Variants in SATB1 observed in about 807,000 individuals in gnomAD.
SATB1 encodes DNA-binding protein SATB1.
In SATB1, 11 loss-of-function variants were observed where a neutral mutation model predicts 86.9. The observed-to-expected ratio is 0.13, with a 90% CI of 0.08 to 0.21. The LOEUF (loss-of-function observed/expected upper bound fraction) is 0.21, where lower values mean the gene tolerates loss of function less well. SATB1 is among the 10% of genes least tolerant of loss of function. The probability of loss-of-function intolerance (pLI) is 1.00; values close to 1 mark genes in which losing one functional copy is unlikely to be tolerated. For synonymous variants in SATB1, 357 were observed against 357.2 expected (o/e 1.00, Z 0.01); for missense variants, 551 against 937.6 (o/e 0.59, Z 5.39).
intron 7 of SATB1, among the ~76,000 whole-genome samples, chr3:18,387,025 A>G (rs548557480): frequency 5.6e-4 from 85 of 152,352 alleles, no homozygotes; most frequent in African/African-American, 2.0e-3. Context: ...AGCCATTTCT[A>G]GAGAAGTAGA....
In SATB1 at chr3:18,443,850, G is replaced by T. The variant is rs574087726; in HGVS notation, c.-25+1668C>A. Among the ~76,000 whole-genome samples the T allele has an allele frequency of 1.3e-5, 2 of 152,298 alleles. No individual in the cohort carries two copies. Among genetic ancestry groups the T allele is most frequent in the East Asian group, 3.9e-4 (2 of 5,174 alleles). ...TGCTAAGAGGACGGCCCTTTCTTCT[G>T]CCTCTTGCCCAACTCCAAACCCACA... On this transcript the variant is annotated intron_variant, in intron 1 of 3. Coordinates refer to the SATB1 transcript ENST00000415069. The surrounding 1 kb of genome is among the most constrained non-coding windows in gnomAD (Gnocchi z 4.4).
chr3:18,423,294 T>C (rs1698484271), intron 1 of SATB1, among the ~76,000 whole-genome samples: 1 of 152,214 alleles, frequency 6.6e-6, no homozygotes, highest in Non-Finnish European at 1.5e-5. Context: ...TAAGACCATA[T>C]ATGATAATTA....
chr3:18,403,759 G>C (rs1376578808), intron 5 of SATB1, among the ~76,000 whole-genome samples: 1 of 151,982 alleles, frequency 6.6e-6, no homozygotes, highest in African/African-American at 2.4e-5. Flanking sequence ...TTTATGTATT[G>C]TATTAATGGC....
At chr3:18,362,818 C>A (rs1575091062) in intron 9 of SATB1, among the ~76,000 whole-genome samples, 1 of 51,888 alleles carries the variant, frequency 1.9e-5, no homozygotes, top group Admixed American at 3.3e-4. Flanking sequence ...AAATAATGGT[C>A]ATTAAGAAAA....
At chr3:18,433,907 A>C (rs1440758832) in intron 2 of SATB1, among the ~76,000 whole-genome samples, 3 of 152,146 alleles carry the variant, frequency 2.0e-5, no homozygotes, top group African/African-American at 7.2e-5. Context: ...GAACTTTAAA[A>C]AAGAACTAGA....
intron 5 of SATB1, among the ~76,000 whole-genome samples, chr3:18,405,513 C>T (rs1191019371): frequency 6.6e-6 from 1 of 152,008 alleles, no homozygotes; most frequent in Non-Finnish European, 1.5e-5. Flanking sequence ...GAATTAGGTT[C>T]TGTAACTCTT....
intron 8 of SATB1, among the ~76,000 whole-genome samples, chr3:18,385,547 C>T (rs1249124869): frequency 1.3e-5 from 2 of 151,126 alleles, no homozygotes; most frequent in African/African-American, 2.4e-5. Flanking sequence ...GGCGTGAACC[C>T]GGGAGGCAGA....
intron 9 of SATB1, among the ~76,000 whole-genome samples, chr3:18,358,079 AT>A (rs1374721138): frequency 1.3e-5 from 2 of 151,946 alleles, no homozygotes; most frequent in African/African-American, 4.8e-5. Flanking sequence ...CATCTAGACC[AT>A]TTTTTGGTGG....
chr3:18,426,925 G>C (rs939347263), upstream of SATB1, among the ~76,000 whole-genome samples: 1 of 152,160 alleles, frequency 6.6e-6, no homozygotes, highest in Non-Finnish European at 1.5e-5. The surrounding 1 kb of genome is among the most constrained non-coding windows in gnomAD (Gnocchi z 4.2). Flanking sequence ...AGTAAGTTTA[G>C]GAGAAACAAA....
intron 9 of SATB1, among the ~76,000 whole-genome samples, chr3:18,360,417 C>A (rs1466097010): frequency 6.6e-6 from 1 of 152,112 alleles, no homozygotes; most frequent in Admixed American, 6.6e-5. Flanking sequence ...CCCAATGACA[C>A]TGATGTCCAA....
In SATB1 at chr3:18,444,783, A is replaced by C; in HGVS notation, c.-25+735T>G. The C allele has an allele frequency of 5.8e-6, 2 of 344,344 alleles. No homozygotes were observed. The highest frequency in any genetic ancestry group is 8.2e-6 in the Non-Finnish European group (2 of 244,972). The allele number at this position is 344,344 out of a possible 1,614,324, so 21.3% of individuals were successfully genotyped here. A position where few individuals can be genotyped will look rare whatever the true frequency, so the allele number is the denominator to read the frequency against. ...CGGAAGTTAATTGCAACTTGACTTC[A>C]AGTTGTCCTCTTTCCCCATACGAAG... On this transcript the variant is annotated intron_variant, in intron 1 of 3. Transcript: ENST00000415069. This position sits in a 1 kb window ranked among gnomAD's most constrained non-coding sequence, Gnocchi z 5.1.
intron 9 of SATB1, 46 bp downstream of exon 9, chr3:18,378,124 C>A: frequency 6.8e-7 from 1 of 1,475,406 alleles, no homozygotes. Context: ...GAAAATTCTA[C>A]AGGCAACACA....
At chr3:18,443,678 T>C (rs1699298818), upstream of SATB1, among the ~76,000 whole-genome samples, 1 of 152,076 alleles carries the variant, frequency 6.6e-6, no homozygotes, top group Admixed American at 6.5e-5. This position sits in a 1 kb window ranked among gnomAD's most constrained non-coding sequence, Gnocchi z 4.4. Context: ...GCTTCGTCCT[T>C]CTCGTCGTGG....
intron 2 of SATB1, chr3:18,436,669 G>A (rs1166341778): frequency 6.6e-6 from 1 of 152,100 alleles, no homozygotes; most frequent in Non-Finnish European, 1.5e-5. Flanking sequence ...CATTAATTTA[G>A]CAATTCTTTA....
At chr3:18,439,375 C>G (rs981542046), upstream of SATB1, among the ~76,000 whole-genome samples, 5 of 151,838 alleles carry the variant, frequency 3.3e-5, no homozygotes, top group Admixed American at 3.3e-4. Context: ...TAAATCTCAC[C>G]CTGAATATAT....
rs914325749 is a variant in SATB1, at chr3:18,352,484, T to C, written c.1576-289A>G. 3.0e-6 allele frequency: 1 copy of C among 328,592 alleles called. No individual in the cohort carries two copies. Among genetic ancestry groups the C allele is most frequent in the Admixed American group, 4.2e-5 (1 of 23,674 alleles). The allele number at this position is 328,592 out of a possible 1,614,324, so 20.4% of individuals were successfully genotyped here. A position where few individuals can be genotyped will look rare whatever the true frequency, so the allele number is the denominator to read the frequency against. On this transcript the variant is annotated intron_variant, in intron 9 of 10. Coordinates refer to ENST00000338745, the MANE Select transcript of SATB1 (RefSeq NM_002971.6). The surrounding 1 kb of genome is among the most constrained non-coding windows in gnomAD (Gnocchi z 4.1). ...ATCACAGATTTTTTAATATATGAAA[T>C]AGGAGAAAAACAAAGTTGATGTGCT...
Position 18,349,762 on chromosome 3 carries a change from G to A in SATB1, c.1780-80C>T. On this transcript the variant is annotated intron_variant, in intron 10 of 10. Coordinates refer to ENST00000338745, the MANE Select transcript of SATB1 (RefSeq NM_002971.6). The surrounding 1 kb of genome is among the most constrained non-coding windows in gnomAD (Gnocchi z 5.5). ...AGCCGTCTCCAATCAGGAAAAATGTGGTCCCGGATCCTACATATAGCTTCT... is the reference window on the plus strand; with the variant it reads ...AGCCGTCTCCAATCAGGAAAAATGTAGTCCCGGATCCTACATATAGCTTCT... 1.3e-6 allele frequency: 2 copies of A among 1,497,864 alleles called. No individual in the cohort carries two copies. Among genetic ancestry groups the A allele is most frequent in the East Asian group, 4.9e-5 (2 of 40,514 alleles). 92.8% of individuals were successfully genotyped at this position (1,497,864 alleles called of 1,614,324 possible).
Position 18,347,570 on chromosome 3 carries a change from G to T in SATB1, c.*1600C>A, listed in dbSNP as rs1694120554. 6.6e-6 allele frequency: 1 copy of T among 151,784 alleles called. No homozygotes were observed. Among genetic ancestry groups the T allele is most frequent in the African/African-American group, 2.4e-5 (1 of 41,316 alleles). 9.4% of individuals were successfully genotyped at this position (151,784 alleles called of 1,614,324 possible). ...ATTTTGTTACTATTAATGGCCTTTA[G>T]AAATATTTATACATTAGCTTAAGGA... On this transcript the variant is annotated 3_prime_UTR_variant, in exon 11 of 11. Coordinates refer to ENST00000338745, the MANE Select transcript of SATB1 (RefSeq NM_002971.6).
At chr3:18,388,558 A>G (rs1409772943) in intron 7 of SATB1, among the ~76,000 whole-genome samples, 4 of 152,112 alleles carry the variant, frequency 2.6e-5, no homozygotes, top group East Asian at 1.9e-4. Flanking sequence ...TAAATGTTTG[A>G]TAAGTATTTA....
Sources: gnomAD v4.1 joint callset for allele counts (sites outside exome capture counted in the v4.1 genomes callset) on GRCh38, gnomAD v4.1.1 for gene constraint, Gnocchi (gnomAD v3.1) non-coding constraint, MANE v1.5 for transcripts, NCBI Gene and HGNC (gene_info 2026-07-23, HGNC 2026-07-21) for gene names.